RALGPS1: variants seen among roughly 807,000 people sequenced by gnomAD.
RALGPS1 encodes the protein ras-specific guanine nucleotide-releasing factor RalGPS1.
In RALGPS1, 19 loss-of-function variants were observed where a neutral mutation model predicts 78.8. The observed-to-expected ratio is 0.24, with a 90% CI of 0.17 to 0.35. The LOEUF is 0.35. RALGPS1 is among the 10% of genes least tolerant of loss of function. The probability of loss-of-function intolerance (pLI) is 1.00; values close to 1 mark genes in which losing one functional copy is unlikely to be tolerated. For synonymous variants in RALGPS1, 228 were observed against 256.3 expected (o/e 0.89, Z 1.06); for missense variants, 454 against 688.3 (o/e 0.66, Z 3.81).
At chr9:127,074,617 A>G (rs1315103082) in intron 8 of RALGPS1, among the ~76,000 whole-genome samples, 1 of 152,220 alleles carries the variant, frequency 6.6e-6, no homozygotes, top group African/African-American at 2.4e-5. Context: ...TCGAATAAGG[A>G]TGATCATGAG....
At chr9:127,094,022 C>T in intron 8 of RALGPS1, 1 of 1,412,564 alleles carries the variant, frequency 7.1e-7, no homozygotes, top group Non-Finnish European at 9.6e-7. Flanking sequence ...TGTTGAGGCT[C>T]CAGCTGGGAG....
intron 11 of RALGPS1, among the ~76,000 whole-genome samples, chr9:127,191,666 G>C (rs1225288163): frequency 1.3e-5 from 2 of 150,908 alleles, no homozygotes; most frequent in Admixed American, 6.6e-5. Context: ...TTTTCCATCA[G>C]GTTTTTTTGT....
chr9:127,123,369 A>G (rs1237537146), intron 8 of RALGPS1, among the ~76,000 whole-genome samples: 2 of 152,212 alleles, frequency 1.3e-5, no homozygotes, highest in African/African-American at 4.8e-5. Context: ...CTCTCTGGGC[A>G]TCCCTTCCAT....
chr9:127,085,700 A>G (rs765050045), intron 8 of RALGPS1, among the ~76,000 whole-genome samples: 14 of 152,178 alleles, frequency 9.2e-5, no homozygotes, highest in Non-Finnish European at 1.8e-4. Flanking sequence ...TAGAAAAAGG[A>G]TGGCTCTGCA....
intron 1 of RALGPS1, among the ~76,000 whole-genome samples, chr9:126,919,116 A>C (rs1406736001): frequency 6.6e-6 from 1 of 152,226 alleles, no homozygotes; most frequent in Non-Finnish European, 1.5e-5. Context: ...TTACACAAAG[A>C]ATAGCATTTT....
At chr9:127,188,070 T>A (rs988568266) in intron 11 of RALGPS1, among the ~76,000 whole-genome samples, 2 of 147,716 alleles carry the variant, frequency 1.4e-5, no homozygotes, top group Non-Finnish European at 3.0e-5. Flanking sequence ...TTTTTTTTTT[T>A]TTTTTTTTTT....
At chr9:126,954,416 A>G (rs2038151552) in intron 1 of RALGPS1, among the ~76,000 whole-genome samples, 1 of 152,106 alleles carries the variant, frequency 6.6e-6, no homozygotes, top group Non-Finnish European at 1.5e-5. Flanking sequence ...TGGCCTTTCC[A>G]ATGTAGTTCT....
At chr9:126,977,176 G>A (rs1379776748) in intron 3 of RALGPS1, among the ~76,000 whole-genome samples, 1 of 152,188 alleles carries the variant, frequency 6.6e-6, no homozygotes, top group Non-Finnish European at 1.5e-5. Flanking sequence ...GCTGGTCTGT[G>A]GGTGCGTCTT....
At chr9:127,184,421 C>A (rs1029290628) in intron 11 of RALGPS1, 2 of 263,006 alleles carry the variant, frequency 7.6e-6, no homozygotes, top group South Asian at 7.9e-5. Context: ...GTATGAGAAA[C>A]AATGTGTGTG....
intron 5 of RALGPS1, among the ~76,000 whole-genome samples, chr9:127,043,242 C>T (rs965496969): frequency 3.3e-5 from 5 of 152,192 alleles, no homozygotes; most frequent in African/African-American, 1.2e-4. Flanking sequence ...GTTATCAAGA[C>T]AGCATGGTAT....
intron 4 of RALGPS1, among the ~76,000 whole-genome samples, chr9:127,021,613 T>A (rs2134184079): frequency 6.7e-6 from 1 of 148,556 alleles, no homozygotes; most frequent in South Asian, 2.1e-4. Context: ...AAAAGAAAAG[T>A]TTTTCTTCTT....
intron 8 of RALGPS1, among the ~76,000 whole-genome samples, chr9:127,094,448 C>A (rs928249713): frequency 6.6e-6 from 1 of 152,188 alleles, no homozygotes; most frequent in Non-Finnish European, 1.5e-5. Context: ...ACAGTTGGCA[C>A]CCTTCAATTC....
At chr9:127,072,073 C>A (rs2050250415) in intron 8 of RALGPS1, among the ~76,000 whole-genome samples, 1 of 152,244 alleles carries the variant, frequency 6.6e-6, no homozygotes, top group Non-Finnish European at 1.5e-5. Flanking sequence ...TAAATCCAAT[C>A]ATACAATATG....
chr9:127,029,803 G>C (rs72764355), intron 4 of RALGPS1, among the ~76,000 whole-genome samples: 1 of 152,158 alleles, frequency 6.6e-6, no homozygotes, highest in East Asian at 1.9e-4. Context: ...ACACGGTCAG[G>C]GTTGGGCCTG....
chr9:126,963,173 C>T (rs2132164772), intron 2 of RALGPS1, among the ~76,000 whole-genome samples: 1 of 152,304 alleles, frequency 6.6e-6, no homozygotes, highest in South Asian at 2.1e-4. Context: ...TTTTGATCAA[C>T]ACGTCCCCTT....
chr9:127,047,331 A>G (rs1260853363), intron 5 of RALGPS1, among the ~76,000 whole-genome samples: 1 of 152,232 alleles, frequency 6.6e-6, no homozygotes, highest in Non-Finnish European at 1.5e-5. Context: ...AAGAATATTC[A>G]CTTATAAAAA....
intron 1 of RALGPS1, among the ~76,000 whole-genome samples, chr9:126,915,250 G>T (rs1030948703): frequency 7.0e-6 from 1 of 142,344 alleles, no homozygotes; most frequent in Admixed American, 6.9e-5. Flanking sequence ...CGTGAAGGAC[G>T]GCGGGGAAGA....
intron 1 of RALGPS1, among the ~76,000 whole-genome samples, chr9:126,948,816 CTT>C (rs35563544): frequency 4.1e-5 from 6 of 145,212 alleles, no homozygotes; most frequent in African/African-American, 1.3e-4. Flanking sequence ...CTCCCAAGTT[CTT>C]TTTTTTTTTT....
At chr9:126,955,058 C>G (rs971341565) in intron 1 of RALGPS1, among the ~76,000 whole-genome samples, 5 of 152,256 alleles carry the variant, frequency 3.3e-5, no homozygotes, top group African/African-American at 1.2e-4. Context: ...GTATGGCTGC[C>G]TCCTTCCTAA....
Sources: gnomAD v4.1 joint callset for allele counts (sites outside exome capture counted in the v4.1 genomes callset) on GRCh38, gnomAD v4.1.1 for gene constraint, MANE v1.5 for transcripts, NCBI Gene and HGNC (gene_info 2026-07-23, HGNC 2026-07-21) for gene names.